The following ATXN1 variants were observed in gnomAD, a reference collection of about 807,000 sequenced individuals.
ATXN1 encodes the protein ataxin-1.
A neutral mutation model predicts 56.4 loss-of-function variants in ATXN1; 8 were observed. That is an observed-to-expected ratio of 0.14 (90% CI 0.08 to 0.26). The LOEUF (loss-of-function observed/expected upper bound fraction) is 0.26, where lower values mean the gene tolerates loss of function less well. ATXN1 is among the 10% of genes least tolerant of loss of function. ATXN1 has a pLI of 1.00. For synonymous variants in ATXN1, 514 were observed against 494.6 expected, an observed-to-expected ratio of 1.04 and a Z score of -0.52; for missense variants, 987 against 1,106.5, an observed-to-expected ratio of 0.89 and a Z score of 1.53.
At chr6:16,353,489 AT>A (rs1187486497) in intron 6 of ATXN1, among the ~76,000 whole-genome samples, 3 of 152,106 alleles carry the variant, frequency 2.0e-5, no homozygotes, top group Non-Finnish European at 4.4e-5. Context: ...CCTGGCCAAC[AT>A]GCCAAAACCC....
intron 4 of ATXN1, among the ~76,000 whole-genome samples, chr6:16,524,547 A>C (rs1761355183): frequency 6.6e-6 from 1 of 152,214 alleles, no homozygotes; most frequent in South Asian, 2.1e-4. Flanking sequence ...GTGTGGTTCC[A>C]GTTACTTAAA....
chr6:16,689,798 AT>A (rs1299495105), intron 2 of ATXN1, among the ~76,000 whole-genome samples: 1 of 152,164 alleles, frequency 6.6e-6, no homozygotes, highest in Admixed American at 6.6e-5. Context: ...CTTGACATTT[AT>A]AATACCTTAT....
chr6:16,399,928 G>C (rs1758534146), intron 6 of ATXN1, among the ~76,000 whole-genome samples: 1 of 152,176 alleles, frequency 6.6e-6, no homozygotes, highest in Non-Finnish European at 1.5e-5. Flanking sequence ...TGGGCTCCTG[G>C]AGGACATCCT....
In ATXN1 at chr6:16,363,244, T is replaced by C. The variant is rs546147757; in HGVS notation, c.-160-34774A>G. Among the ~76,000 whole-genome samples the C allele has an allele frequency of 1.1e-4, 17 of 152,366 alleles. 1 individual carries two copies. The South Asian group carries it at 2.5e-3, about 22-fold the overall frequency. On this transcript the variant is annotated intron_variant, in intron 6 of 7. Transcript: ENST00000436367. ...AAGCTCTCTGAGAGCAAGAACTATG[T>C]TTTTTCTTCTCCATCCTAAGGCCGT...
intron 3 of ATXN1, among the ~76,000 whole-genome samples, chr6:16,587,102 T>C (rs1260224250): frequency 6.6e-6 from 1 of 152,218 alleles, no homozygotes; most frequent in African/African-American, 2.4e-5. Flanking sequence ...ATTATTTGTT[T>C]TGGATTTGAC....
intron 6 of ATXN1, among the ~76,000 whole-genome samples, chr6:16,346,622 G>A (rs1761396135): frequency 6.6e-6 from 1 of 152,230 alleles, no homozygotes; most frequent in African/African-American, 2.4e-5. Context: ...GATAACTCGT[G>A]ACTTTAGGAA....
At chr6:16,373,087 G>A (rs79412324) in intron 6 of ATXN1, among the ~76,000 whole-genome samples, 1,557 of 152,322 alleles carry the variant, frequency 0.01, 29 homozygotes, top group African/African-American at 0.036. Context: ...GGGCCATGTA[G>A]GTGTCCTGTT....
rs909778930 is a variant in ATXN1 at position 16,760,020 on chromosome 6, T to A, written c.-730+1278A>T. On this transcript the variant is annotated intron_variant, in intron 1 of 7. Coordinates refer to ENST00000436367, the MANE Select transcript of ATXN1 (RefSeq NM_001128164.2). This position sits in a 1 kb window ranked among gnomAD's most constrained non-coding sequence, Gnocchi z 5.3. Reference sequence around the variant, plus strand: ...TACACACACACAGTCACTCACACACTCACTCACACTCACGCCGCGCTCCGA... The same window carrying A: ...TACACACACACAGTCACTCACACACACACTCACACTCACGCCGCGCTCCGA... Among the ~76,000 whole-genome samples the A allele has an allele frequency of 1.3e-5, 2 of 150,514 alleles. No individual in the cohort carries two copies. The highest frequency in any genetic ancestry group is 4.9e-5 in the African/African-American group (2 of 40,880).
chr6:16,493,824 A>C (rs1219047335), intron 5 of ATXN1, among the ~76,000 whole-genome samples: 1 of 152,246 alleles, frequency 6.6e-6, no homozygotes, highest in East Asian at 1.9e-4. Flanking sequence ...TAAGTCTCTA[A>C]GGAAACTGTG....
intron 6 of ATXN1, among the ~76,000 whole-genome samples, chr6:16,451,872 T>C (rs548261953): frequency 6.6e-6 from 1 of 152,290 alleles, no homozygotes; most frequent in South Asian, 2.1e-4. Flanking sequence ...AAACAAGTTG[T>C]TTAAAAGGTT....
intron 6 of ATXN1, among the ~76,000 whole-genome samples, chr6:16,357,561 T>C (rs1283973291): frequency 6.6e-6 from 1 of 152,176 alleles, no homozygotes; most frequent in African/African-American, 2.4e-5. Context: ...TGAGCCACCA[T>C]GCCTGGCCAA....
intron 2 of ATXN1, among the ~76,000 whole-genome samples, chr6:16,702,154 A>G (rs963018146): frequency 3.9e-5 from 6 of 152,184 alleles, no homozygotes. Flanking sequence ...CCAATGGAAC[A>G]GAACAGAGCC....
At chr6:16,480,137 G>C (rs1760405332) in intron 6 of ATXN1, among the ~76,000 whole-genome samples, 1 of 107,218 alleles carries the variant, frequency 9.3e-6, no homozygotes, top group Admixed American at 1.3e-4. Flanking sequence ...GGGCAACACA[G>C]CAAGAGACTT....
chr6:16,569,003 C>T (rs1168688120), intron 4 of ATXN1, among the ~76,000 whole-genome samples: 1 of 152,070 alleles, frequency 6.6e-6, no homozygotes, highest in Admixed American at 6.5e-5. Context: ...AGAACAGGAC[C>T]CAGCTCCTAA....
Position 16,306,500 on chromosome 6 carries a change from G to C in ATXN1, c.2277C>G (p.Thr759=). The C allele has an allele frequency of 6.2e-7, 1 of 1,614,168 alleles. No homozygotes were observed. Among genetic ancestry groups the C allele is most frequent in the Non-Finnish European group, 8.5e-7 (1 of 1,180,020 alleles). The change falls in exon 8 of 8, where the codon ACC becomes ACG. Residue 759 remains threonine (T), a synonymous_variant. Coordinates refer to ENST00000436367, the MANE Select transcript of ATXN1 (RefSeq NM_001128164.2). The surrounding 1 kb of genome is among the most constrained non-coding windows in gnomAD (Gnocchi z 5.2). ...CCGCGGGCTTGCTGGGTTCTATTTT[G>C]GTGAGGAAGGGCGCTGCAGGCAATC... is the stretch of plus-strand genomic sequence containing the variant. The part of the protein sequence containing the change: ...KMGLPAAPFL[T]KIEPSKPAAT...
At chr6:16,521,334 C>A (rs1056266012) in intron 5 of ATXN1, among the ~76,000 whole-genome samples, 3 of 152,138 alleles carry the variant, frequency 2.0e-5, no homozygotes, top group Non-Finnish European at 2.9e-5. Flanking sequence ...GAGGCCGAGG[C>A]GGATCACGAG....
At chr6:16,592,349 C>A (rs1313143691) in intron 3 of ATXN1, among the ~76,000 whole-genome samples, 1 of 152,138 alleles carries the variant, frequency 6.6e-6, no homozygotes, top group Non-Finnish European at 1.5e-5. Flanking sequence ...CAAGATCGAA[C>A]CTTTGAAAAG....
intron 6 of ATXN1, among the ~76,000 whole-genome samples, chr6:16,409,241 G>A (rs970719038): frequency 6.6e-5 from 10 of 151,820 alleles, no homozygotes; most frequent in South Asian, 4.2e-4. Context: ...TGGTTACCCC[G>A]AGAAGCTGCT....
intron 3 of ATXN1, among the ~76,000 whole-genome samples, chr6:16,614,597 A>G (rs188256348): frequency 6.3e-4 from 96 of 151,894 alleles, no homozygotes; most frequent in African/African-American, 2.3e-3. Flanking sequence ...CCAGTAGCCA[A>G]TATTATATTA....
Sources: gnomAD v4.1 joint callset for allele counts (sites outside exome capture counted in the v4.1 genomes callset) on GRCh38, gnomAD v4.1.1 for gene constraint, Gnocchi (gnomAD v3.1) non-coding constraint, MANE v1.5 for transcripts, NCBI Gene and HGNC (gene_info 2026-07-23, HGNC 2026-07-21) for gene names.